The following SSBP2 variants were observed in gnomAD, a reference collection of about 807,000 sequenced individuals.
The protein encoded by SSBP2 is single stranded DNA binding protein 2, also known as single-stranded DNA-binding protein 2.
A neutral mutation model predicts 61.8 loss-of-function variants in SSBP2; 17 were observed. The ratio of observed to expected loss-of-function variants is 0.28; its 90% CI spans 0.19 to 0.41. SSBP2 has a LOEUF of 0.41. SSBP2 is among the 10% of genes least tolerant of loss of function. The pLI is 1.00. For missense variants in SSBP2, 310 were observed against 458.7 expected, an observed-to-expected ratio of 0.68 and a Z score of 2.96; for synonymous variants, 139 against 141.3, an observed-to-expected ratio of 0.98 and a Z score of 0.12.
chr5:81,637,752 G>A (rs1581224096), intron 2 of SSBP2, among the ~76,000 whole-genome samples: 1 of 152,060 alleles, frequency 6.6e-6, no homozygotes, highest in Middle Eastern at 3.4e-3. Context: ...CCCATTACTG[G>A]GTATATACCC....
At chr5:81,706,972 T>C (rs750290995) in intron 1 of SSBP2, among the ~76,000 whole-genome samples, 3 of 152,178 alleles carry the variant, frequency 2.0e-5, no homozygotes, top group Non-Finnish European at 4.4e-5. Flanking sequence ...ATCTTATGTA[T>C]TCTCATTTAA....
Position 81,513,682 on chromosome 5 carries a change from G to A in SSBP2, c.318C>T (p.Asn106=). 3 of 1,613,080 alleles carry A rather than the reference G, an allele frequency of 1.9e-6. No individual in the cohort carries two copies. Among genetic ancestry groups the A allele is most frequent in the Non-Finnish European group, 2.5e-6 (3 of 1,179,252 alleles). The stretch of plus-strand genomic sequence containing the variant: ...CTGGCATGCCATCTCCTGGGGGAAT[G>A]TTTCCTAGCACTGGACTGGGAGCTG... The change falls in exon 5 of 17, where the codon AAC becomes AAT. Residue 106 remains asparagine, a synonymous_variant. Transcript: ENST00000320672.
intron 1 of SSBP2, among the ~76,000 whole-genome samples, chr5:81,716,527 T>C (rs1443156972): frequency 1.3e-5 from 2 of 152,242 alleles, no homozygotes; most frequent in South Asian, 2.1e-4. Context: ...CTTTGAATTT[T>C]TGCCATACAC....
At chr5:81,437,552 T>A in intron 14 of SSBP2, 94 bp from the exon 15 acceptor site, 1 of 1,170,488 alleles carries the variant, frequency 8.5e-7, no homozygotes, top group Non-Finnish European at 1.2e-6. Context: ...GTATACTATA[T>A]GTATTTTCCA....
chr5:81,510,536 G>A (rs1336614626), intron 5 of SSBP2, among the ~76,000 whole-genome samples: 1 of 152,162 alleles, frequency 6.6e-6, no homozygotes, highest in Non-Finnish European at 1.5e-5. Context: ...GCCAAGGCGG[G>A]CAGATAATGA....
intron 1 of SSBP2, among the ~76,000 whole-genome samples, chr5:81,670,792 T>C (rs1218579419): frequency 2.6e-5 from 4 of 152,194 alleles, no homozygotes. Flanking sequence ...CCCATCCACT[T>C]TACCTTCTTC....
At chr5:81,648,074 G>C (rs34369987) in intron 2 of SSBP2, among the ~76,000 whole-genome samples, 1,869 of 152,152 alleles carry the variant, frequency 0.012, 20 homozygotes, top group Non-Finnish European at 0.022. Flanking sequence ...TACAAGGAAG[G>C]AGATCATTAA....
chr5:81,730,497 T>C (rs1018970993), intron 1 of SSBP2, among the ~76,000 whole-genome samples: 4 of 152,218 alleles, frequency 2.6e-5, no homozygotes, highest in African/African-American at 4.8e-5. Flanking sequence ...AGTGCTGCTA[T>C]TGCAGGCCTG....
chr5:81,749,705 T>G (rs1267415878), intron 1 of SSBP2, among the ~76,000 whole-genome samples: 1 of 151,732 alleles, frequency 6.6e-6, no homozygotes, highest in Non-Finnish European at 1.5e-5. Context: ...GTGATCACAG[T>G]CACTATTCGT....
intron 1 of SSBP2, among the ~76,000 whole-genome samples, chr5:81,672,476 G>A (rs1469659597): frequency 6.6e-6 from 1 of 151,758 alleles, no homozygotes; most frequent in Non-Finnish European, 1.5e-5. Context: ...CACATATGAA[G>A]CCAAAATAAT....
At chr5:81,653,986 G>GT (rs1207696558) in intron 1 of SSBP2, among the ~76,000 whole-genome samples, 7 of 139,178 alleles carry the variant, frequency 5.0e-5, no homozygotes, top group African/African-American at 1.5e-4. Flanking sequence ...TAAGTTTGGT[G>GT]TTTTTTGTTT....
At chr5:81,612,175 G>A (rs1030819359) in intron 4 of SSBP2, among the ~76,000 whole-genome samples, 1 of 152,012 alleles carries the variant, frequency 6.6e-6, no homozygotes, top group East Asian at 1.9e-4. Flanking sequence ...CCTCAGTAAC[G>A]TGGTTAAAAA....
intron 14 of SSBP2, among the ~76,000 whole-genome samples, chr5:81,439,542 C>T (rs1762880862): frequency 6.6e-6 from 1 of 150,550 alleles, no homozygotes; most frequent in African/African-American, 2.5e-5. Context: ...TTGCTCGTCA[C>T]CCAGGCTGCA....
chr5:81,536,176 G>A (rs180786696), intron 4 of SSBP2, among the ~76,000 whole-genome samples: 19 of 151,992 alleles, frequency 1.3e-4, no homozygotes, highest in South Asian at 4.1e-4. Context: ...AAATTAAAAC[G>A]AGATTCCATT....
chr5:81,480,056 T>C (rs942771782), intron 6 of SSBP2, among the ~76,000 whole-genome samples: 1 of 152,182 alleles, frequency 6.6e-6, no homozygotes, highest in South Asian at 2.1e-4. Context: ...GTGTCAGGGC[T>C]CAAGATTGGA....
intron 12 of SSBP2, chr5:81,443,092 T>C (rs1268061430): frequency 2.0e-5 from 3 of 153,356 alleles, no homozygotes; most frequent in African/African-American, 7.2e-5. Context: ...TCAGTTGCTT[T>C]TCAGTTTTAT....
chr5:81,732,022 C>T (rs888926399), intron 1 of SSBP2, among the ~76,000 whole-genome samples: 31 of 152,102 alleles, frequency 2.0e-4, no homozygotes, highest in Middle Eastern at 3.4e-3. Context: ...TGTCTTATAT[C>T]AAATCGAGGT....
At chr5:81,600,403 A>C (rs899841010) in intron 4 of SSBP2, among the ~76,000 whole-genome samples, 1 of 151,958 alleles carries the variant, frequency 6.6e-6, no homozygotes, top group Non-Finnish European at 1.5e-5. Flanking sequence ...TCTACTAAAA[A>C]TACAAAAATT....
At chr5:81,437,696 T>G (rs1762760443) in intron 14 of SSBP2, 1 of 306,768 alleles carries the variant, frequency 3.3e-6, no homozygotes, top group Non-Finnish European at 6.1e-6. Flanking sequence ...TATGGAAGCA[T>G]GAAGAAAACT....
Sources: allele counts gnomAD v4.1 joint callset (sites outside exome capture counted in the v4.1 genomes callset), GRCh38; gene constraint gnomAD v4.1.1; transcripts MANE v1.5; gene names NCBI Gene and HGNC (gene_info 2026-07-23, HGNC 2026-07-21).